Variants in LHFPL6 observed in about 807,000 individuals in gnomAD.
The protein encoded by LHFPL6 is LHFPL tetraspan subfamily member 6 protein.
In LHFPL6, 9 loss-of-function variants were observed where a neutral mutation model predicts 20.6. The observed-to-expected ratio is 0.44, with a 90% CI of 0.26 to 0.76. The LOEUF is 0.76. LHFPL6 is among the 30% of genes least tolerant of loss of function. The pLI is 0.20. For synonymous variants in LHFPL6, 105 were observed against 98.7 expected, an observed-to-expected ratio of 1.06 and a Z score of -0.38; for missense variants, 218 against 253.5, an observed-to-expected ratio of 0.86 and a Z score of 0.95.
intron 2 of LHFPL6, among the ~76,000 whole-genome samples, chr13:39,423,668 C>G (rs1428445940): frequency 6.6e-6 from 1 of 152,012 alleles, no homozygotes; most frequent in Non-Finnish European, 1.5e-5. Flanking sequence ...AAAAGTGATC[C>G]CAGGCATAGG....
At chr13:39,415,650 C>T (rs1387875686) in intron 2 of LHFPL6, among the ~76,000 whole-genome samples, 1 of 152,146 alleles carries the variant, frequency 6.6e-6, no homozygotes. Flanking sequence ...TATCTTTGCT[C>T]CCCTTGGCAG....
At chr13:39,407,476 A>G (rs1176959300) in intron 2 of LHFPL6, among the ~76,000 whole-genome samples, 1 of 152,210 alleles carries the variant, frequency 6.6e-6, no homozygotes, top group East Asian at 1.9e-4. Flanking sequence ...GATCCTTCCC[A>G]GGTAAGTGCC....
Position 39,521,930 on chromosome 13 carries a change from G to A in LHFPL6, c.385+78902C>T, listed in dbSNP as rs118048462. The stretch of plus-strand genomic sequence containing the variant: ...GTGACGTGAAAGTTAATGGAATCCC[G>A]AATGAAAGTGGCCCTGTCACTATTC... On this transcript the variant is annotated intron_variant, in intron 2 of 3. Transcript: ENST00000379589. 7.9e-5 allele frequency among the ~76,000 whole-genome samples: 12 copies of A among 152,238 alleles called. No homozygotes were observed. In the East Asian group the frequency reaches 2.3e-3, roughly 29 times the overall value.
chr13:39,562,447 C>CATATATACACATAT (rs1185334406), intron 2 of LHFPL6, among the ~76,000 whole-genome samples: 1 of 68,562 alleles, frequency 1.5e-5, no homozygotes, highest in Admixed American at 1.7e-4. Context: ...TACATATATA[C>CATATATACACATAT]ACATATATAC....
chr13:39,477,439 T>C (rs1033598100), intron 2 of LHFPL6, among the ~76,000 whole-genome samples: 6 of 152,212 alleles, frequency 3.9e-5, no homozygotes, highest in Non-Finnish European at 7.3e-5. Flanking sequence ...TGCTAAGCAC[T>C]GAAATCTTTT....
Position 39,548,420 on chromosome 13 carries a change from T to C in LHFPL6, c.385+52412A>G, listed in dbSNP as rs1871043815. On this transcript the variant is annotated intron_variant, in intron 2 of 3. Coordinates refer to ENST00000379589, the MANE Select transcript of LHFPL6 (RefSeq NM_005780.3). ...TGTGGAAAAGACTAGTGACCTTTTC[T>C]GTTGTAGTCTCACTATTTGGGCAAC... 1.3e-5 allele frequency among the ~76,000 whole-genome samples: 2 copies of C among 152,106 alleles called. 1 individual carries two copies. Among genetic ancestry groups the C allele is most frequent in the South Asian group, 4.1e-4 (2 of 4,832 alleles).
chr13:39,514,118 T>A (rs2138478230), intron 2 of LHFPL6, among the ~76,000 whole-genome samples: 1 of 152,238 alleles, frequency 6.6e-6, no homozygotes, highest in Non-Finnish European at 1.5e-5. Flanking sequence ...CAGCTACTGA[T>A]CATTTAAACT....
At chr13:39,557,756 ATACCC>A (rs1397217696) in intron 2 of LHFPL6, among the ~76,000 whole-genome samples, 1 of 152,234 alleles carries the variant, frequency 6.6e-6, no homozygotes, top group Non-Finnish European at 1.5e-5. Flanking sequence ...GTAACACTTG[ATACCC>A]TATTAGTCAT....
At chr13:39,410,657 G>A (rs1384074924) in intron 2 of LHFPL6, among the ~76,000 whole-genome samples, 4 of 152,176 alleles carry the variant, frequency 2.6e-5, no homozygotes, top group Non-Finnish European at 4.4e-5. Flanking sequence ...TATTTCTCAT[G>A]TTCTGGAGAA....
chr13:39,394,258 T>A (rs1474350149), intron 2 of LHFPL6, among the ~76,000 whole-genome samples: 1 of 152,136 alleles, frequency 6.6e-6, no homozygotes, highest in Non-Finnish European at 1.5e-5. Flanking sequence ...CCTCTTGCGA[T>A]AAAGACACCA....
chr13:39,587,977 G>A (rs1422292791), intron 2 of LHFPL6, among the ~76,000 whole-genome samples: 2 of 152,070 alleles, frequency 1.3e-5, no homozygotes. Context: ...GTCTCCTTCT[G>A]TCTTCTAAAA....
intron 2 of LHFPL6, among the ~76,000 whole-genome samples, chr13:39,490,459 C>T (rs960043236): frequency 1.3e-5 from 2 of 152,202 alleles, no homozygotes; most frequent in Admixed American, 1.3e-4. Flanking sequence ...CCGGTAGGCT[C>T]GCTCTCAGGT....
chr13:39,517,823 C>A (rs1307659440), intron 2 of LHFPL6, among the ~76,000 whole-genome samples: 1 of 152,202 alleles, frequency 6.6e-6, no homozygotes, highest in Non-Finnish European at 1.5e-5. Context: ...CCACCATGTC[C>A]AGCCTGCTGT....
At chr13:39,556,880 T>TG (rs1871319902) in intron 2 of LHFPL6, among the ~76,000 whole-genome samples, 1 of 152,088 alleles carries the variant, frequency 6.6e-6, no homozygotes, top group Admixed American at 6.5e-5. Context: ...GAGGATCTCT[T>TG]GAGCCCAGAA....
At chr13:39,493,628 A>G (rs1329277697) in intron 2 of LHFPL6, among the ~76,000 whole-genome samples, 1 of 152,212 alleles carries the variant, frequency 6.6e-6, no homozygotes, top group African/African-American at 2.4e-5. Context: ...ATGGCAAAAT[A>G]CTAGCAATGG....
At chr13:39,595,628 C>T (rs1385566152) in intron 2 of LHFPL6, among the ~76,000 whole-genome samples, 1 of 152,150 alleles carries the variant, frequency 6.6e-6, no homozygotes, top group Admixed American at 6.6e-5. Context: ...GCTGGCAAAG[C>T]CCCACTCCCA....
At chr13:39,587,701 TAAA>T (rs967845126) in intron 2 of LHFPL6, among the ~76,000 whole-genome samples, 2 of 151,566 alleles carry the variant, frequency 1.3e-5, no homozygotes, top group Non-Finnish European at 2.9e-5. Flanking sequence ...GACGAAGAGC[TAAA>T]AGGCCAAACA....
intron 2 of LHFPL6, among the ~76,000 whole-genome samples, chr13:39,445,007 T>C (rs944790239): frequency 3.3e-5 from 5 of 152,236 alleles, no homozygotes; most frequent in South Asian, 4.1e-4. Flanking sequence ...ATTGGGTTAA[T>C]GTCATTACCT....
chr13:39,344,426 A>T (rs1471127040), intron 3 of LHFPL6, among the ~76,000 whole-genome samples: 2 of 152,204 alleles, frequency 1.3e-5, no homozygotes, highest in Non-Finnish European at 2.9e-5. Context: ...GGAAAAAAAT[A>T]TAAATGTTGA....
Sources: allele counts gnomAD v4.1 joint callset (sites outside exome capture counted in the v4.1 genomes callset), GRCh38; gene constraint gnomAD v4.1.1; transcripts MANE v1.5; gene names NCBI Gene and HGNC (gene_info 2026-07-23, HGNC 2026-07-21).